Variants in RIPOR2 observed in about 807,000 individuals in gnomAD.
The protein encoded by RIPOR2 is RHO family interacting cell polarization regulator 2.
RIPOR2 carries 39 observed loss-of-function variants against 114.5 expected under a neutral mutation model. The observed-to-expected ratio is 0.34, with a 90% CI of 0.26 to 0.44. RIPOR2 has a LOEUF of 0.44. Among genes scored for constraint, RIPOR2 ranks in the 20% least tolerant of loss-of-function variants. The probability of loss-of-function intolerance (pLI) is 1.00; values close to 1 mark genes in which losing one functional copy is unlikely to be tolerated. For synonymous variants in RIPOR2, 445 were observed against 484.4 expected (o/e 0.92, Z 1.07); for missense variants, 1,007 against 1,255.1 (o/e 0.80, Z 2.99).
At chr6:24,873,598 C>G (rs752298355) in intron 3 of RIPOR2, 46 bp downstream of exon 3, 1 of 1,560,742 alleles carries the variant, frequency 6.4e-7, no homozygotes, top group South Asian at 1.2e-5. Flanking sequence ...TTTCTCTGAC[C>G]CCTTGGGTCT....
chr6:25,029,487 C>A (rs1355359482), intron 1 of RIPOR2, among the ~76,000 whole-genome samples: 1 of 150,430 alleles, frequency 6.6e-6, no homozygotes, highest in African/African-American at 2.4e-5. Flanking sequence ...CAAACTCTGG[C>A]CTGGACACAA....
rs148906116 is a variant in RIPOR2, at chr6:24,809,580, G to C, written c.3043+137C>G. On this transcript the variant is annotated intron_variant, in intron 21 of 21. Coordinates refer to ENST00000643898, the MANE Select transcript of RIPOR2 (RefSeq NM_001286445.3). ...GTTCTTCGTACTCTGTGTGTGAGAA[G>C]ACAGCCTACAGCGGGGAAACTGCTA... 23 of 645,782 alleles carry C rather than the reference G, an allele frequency of 3.6e-5. No homozygotes were observed. In the East Asian group the frequency reaches 6.3e-4, roughly 18 times the overall value. 40.0% of individuals were successfully genotyped at this position (645,782 alleles called of 1,614,324 possible). A position where few individuals can be genotyped will look rare whatever the true frequency, so the allele number is the denominator to read the frequency against.
chr6:24,911,059 G>A, intron 1 of RIPOR2: 4 of 853,090 alleles, frequency 4.7e-6, no homozygotes, highest in Non-Finnish European at 5.6e-6. Context: ...GAAGTTGCGG[G>A]GCTGGCGGGC....
intron 1 of RIPOR2, chr6:24,948,115 T>C (rs548446970): frequency 6.6e-6 from 1 of 152,242 alleles, no homozygotes; most frequent in Non-Finnish European, 1.5e-5. Context: ...GTTCTGTACA[T>C]AACAGATGAG....
chr6:24,954,692 T>G (rs1270505799), intron 1 of RIPOR2, among the ~76,000 whole-genome samples: 2 of 151,982 alleles, frequency 1.3e-5, no homozygotes, highest in African/African-American at 4.8e-5. Flanking sequence ...AAGTGATCCT[T>G]CTGCCTCAGC....
chr6:25,011,394 C>T (rs539601700), intron 1 of RIPOR2, among the ~76,000 whole-genome samples: 1 of 152,246 alleles, frequency 6.6e-6, no homozygotes, highest in East Asian at 1.9e-4. Flanking sequence ...GGGGATGACA[C>T]GGGGATTGAC....
intron 20 of RIPOR2, among the ~76,000 whole-genome samples, chr6:24,811,337 G>C (rs1456812382): frequency 6.9e-6 from 1 of 145,196 alleles, no homozygotes; most frequent in Non-Finnish European, 1.5e-5. Context: ...GGATTCAAGC[G>C]ATTCTCCTGC....
rs747301194 is a variant in RIPOR2 at position 25,037,511 on chromosome 6, G to T, written c.76+4340C>A. On this transcript the variant is annotated intron_variant, in intron 1 of 13. Transcript: ENST00000510784. This position sits in a 1 kb window ranked among gnomAD's most constrained non-coding sequence, Gnocchi z 4.5. ...GCTTGACAGGGTTTACAGGACACCA[G>T]ATAGGTCCTTCTCCCGAATGTCTGC... Among the ~76,000 whole-genome samples, 8 of 152,164 alleles carry T rather than the reference G, an allele frequency of 5.3e-5. No homozygotes were observed. Among genetic ancestry groups the T allele is most frequent in the Non-Finnish European group, 1.0e-4 (7 of 68,024 alleles).
At chr6:24,922,120 C>G (rs781674309) in intron 1 of RIPOR2, among the ~76,000 whole-genome samples, 4 of 152,110 alleles carry the variant, frequency 2.6e-5, no homozygotes, top group Non-Finnish European at 5.9e-5. Flanking sequence ...CATGAGCCAC[C>G]ACGCCTGGCT....
chr6:24,848,714 T>C (rs1762562361), intron 11 of RIPOR2, among the ~76,000 whole-genome samples: 1 of 152,142 alleles, frequency 6.6e-6, no homozygotes, highest in Non-Finnish European at 1.5e-5. Context: ...ATGTGAGACA[T>C]CAATGACTGC....
chr6:24,996,333 G>A (rs1349461668), intron 1 of RIPOR2, among the ~76,000 whole-genome samples: 1 of 152,196 alleles, frequency 6.6e-6, no homozygotes, highest in Non-Finnish European at 1.5e-5. Context: ...GCTGTTATTT[G>A]ATTTATGACC....
intron 1 of RIPOR2, among the ~76,000 whole-genome samples, chr6:24,951,042 T>C (rs181791792): frequency 6.0e-4 from 91 of 152,316 alleles, no homozygotes; most frequent in Middle Eastern, 3.4e-3. Flanking sequence ...TCCAGACATT[T>C]TAAAAATCAA....
intron 1 of RIPOR2, among the ~76,000 whole-genome samples, chr6:24,992,805 A>G (rs1020587498): frequency 6.6e-6 from 1 of 152,198 alleles, no homozygotes. Flanking sequence ...ACATTACTAG[A>G]CTTCAAAATA....
intron 1 of RIPOR2, among the ~76,000 whole-genome samples, chr6:24,897,555 G>C (rs1450138662): frequency 6.6e-6 from 1 of 152,166 alleles, no homozygotes; most frequent in African/African-American, 2.4e-5. Context: ...TTATGTTTCT[G>C]TTAGCACTTC....
At chr6:25,018,527 C>G (rs1378705725) in intron 1 of RIPOR2, among the ~76,000 whole-genome samples, 1 of 152,056 alleles carries the variant, frequency 6.6e-6, no homozygotes, top group Non-Finnish European at 1.5e-5. Context: ...GATTATACCC[C>G]TCACCCCTTC....
chr6:24,957,106 G>A (rs1187470473), intron 1 of RIPOR2, among the ~76,000 whole-genome samples: 1 of 152,062 alleles, frequency 6.6e-6, no homozygotes, highest in Non-Finnish European at 1.5e-5. Flanking sequence ...TTGAATTATT[G>A]GTACATTTGC....
At position 24,975,698 on chromosome 6, in the gene RIPOR2, G is replaced by C. The variant is rs146687945; in HGVS notation, c.76+66153C>G. On this transcript the variant is annotated intron_variant, in intron 1 of 13. Transcript: ENST00000510784. ...GCATAGTATACTTGAAATTTGATAAGAGAGTAAATCTCAATTGTTCTCAGC... is the reference window on the plus strand; with the variant it reads ...GCATAGTATACTTGAAATTTGATAACAGAGTAAATCTCAATTGTTCTCAGC... Among the ~76,000 whole-genome samples the C allele has an allele frequency of 2.9e-4, 44 of 152,174 alleles. No individual in the cohort carries two copies. The East Asian group carries it at 6.6e-3, about 23-fold the overall frequency.
At chr6:24,840,857 C>A in intron 13 of RIPOR2, 1 of 1,359,874 alleles carries the variant, frequency 7.4e-7, no homozygotes, top group Admixed American at 2.0e-5. Flanking sequence ...GCCATTTGCC[C>A]CAGACCTAAA....
intron 1 of RIPOR2, chr6:25,024,517 G>A (rs1443053532): frequency 8.7e-6 from 6 of 686,096 alleles, no homozygotes; most frequent in African/African-American, 1.8e-5. Flanking sequence ...AGTTCCCAGC[G>A]TCTGGAATCT....
Sources: gnomAD v4.1 joint callset for allele counts (sites outside exome capture counted in the v4.1 genomes callset) on GRCh38, gnomAD v4.1.1 for gene constraint, Gnocchi (gnomAD v3.1) non-coding constraint, MANE v1.5 for transcripts, NCBI Gene and HGNC (gene_info 2026-07-23, HGNC 2026-07-21) for gene names.